The following GALNTL6 variants were observed in gnomAD, a reference collection of about 807,000 sequenced individuals.
The protein encoded by GALNTL6 is polypeptide N-acetylgalactosaminyltransferase-like 6.
A neutral mutation model predicts 73.7 loss-of-function variants in GALNTL6; 46 were observed. The ratio of observed to expected loss-of-function variants is 0.62; its 90% CI spans 0.49 to 0.80. The LOEUF (loss-of-function observed/expected upper bound fraction) is 0.80, where lower values mean the gene tolerates loss of function less well. GALNTL6 is among the 30% of genes least tolerant of loss of function. GALNTL6 has a pLI of 0.00. For synonymous variants in GALNTL6, 259 were observed against 263.7 expected (o/e 0.98, Z 0.17); for missense variants, 604 against 755.0 (o/e 0.80, Z 2.34).
At chr4:172,480,038 G>A in intron 5 of GALNTL6, among the ~76,000 whole-genome samples, 1 of 152,078 alleles carries the variant, frequency 6.6e-6, no homozygotes, top group Non-Finnish European at 1.5e-5. Context: ...CATCACTCGT[G>A]GCCAGGCTGG....
chr4:172,569,902 C>T (rs982062944), intron 5 of GALNTL6, among the ~76,000 whole-genome samples: 7 of 152,088 alleles, frequency 4.6e-5, no homozygotes, highest in Non-Finnish European at 8.8e-5. Flanking sequence ...CAGATTTAAA[C>T]AGAAAGGGGC....
chr4:172,141,431 G>T (rs779703479), intron 2 of GALNTL6, among the ~76,000 whole-genome samples: 8 of 151,988 alleles, frequency 5.3e-5, no homozygotes, highest in Non-Finnish European at 7.4e-5. Context: ...CAGATGGTAC[G>T]AGTACAAATT....
chr4:172,175,265 C>T (rs1312116911), intron 2 of GALNTL6, among the ~76,000 whole-genome samples: 5 of 152,076 alleles, frequency 3.3e-5, no homozygotes, highest in South Asian at 4.2e-4. Context: ...GGGGTTTCAC[C>T]ATGTTGACCA....
At chr4:172,641,882 A>G (rs1739998515) in intron 5 of GALNTL6, among the ~76,000 whole-genome samples, 2 of 152,070 alleles carry the variant, frequency 1.3e-5, no homozygotes, top group Non-Finnish European at 2.9e-5. Flanking sequence ...TTTAAATAGC[A>G]AGAAAACAAA....
chr4:172,998,444 C>T (rs1751893143), intron 10 of GALNTL6, among the ~76,000 whole-genome samples: 1 of 152,104 alleles, frequency 6.6e-6, no homozygotes, highest in Non-Finnish European at 1.5e-5. Flanking sequence ...TATCCCTATC[C>T]CCAAAATGTT....
chr4:172,220,882 T>C (rs1349274149), intron 2 of GALNTL6, among the ~76,000 whole-genome samples: 6 of 151,986 alleles, frequency 3.9e-5, no homozygotes, highest in East Asian at 1.9e-4. Context: ...ATGCGGCTGA[T>C]GCAATAATGA....
At chr4:172,683,626 G>A (rs1231721386) in intron 5 of GALNTL6, among the ~76,000 whole-genome samples, 5 of 152,104 alleles carry the variant, frequency 3.3e-5, no homozygotes, top group Non-Finnish European at 5.9e-5. Context: ...TAACTACACC[G>A]TACATAACAA....
At chr4:172,442,502 T>C (rs1001400646) in intron 5 of GALNTL6, among the ~76,000 whole-genome samples, 13 of 152,170 alleles carry the variant, frequency 8.5e-5, no homozygotes, top group African/African-American at 2.9e-4. Flanking sequence ...ATAATCTGTA[T>C]GTTAGATAAA....
chr4:172,652,990 TATC>T (rs1740546903), intron 5 of GALNTL6, among the ~76,000 whole-genome samples: 1 of 152,120 alleles, frequency 6.6e-6, no homozygotes, highest in African/African-American at 2.4e-5. Flanking sequence ...CCTGATTCAG[TATC>T]ATCTCAGTTT....
chr4:172,463,141 A>C (rs1457300913), intron 5 of GALNTL6, among the ~76,000 whole-genome samples: 1 of 152,248 alleles, frequency 6.6e-6, no homozygotes. Flanking sequence ...TTCAAAAAAC[A>C]CAAGAGCTTA....
At chr4:172,006,177 G>C (rs750478577) in intron 2 of GALNTL6, among the ~76,000 whole-genome samples, 1 of 152,158 alleles carries the variant, frequency 6.6e-6, no homozygotes, top group Non-Finnish European at 1.5e-5. Context: ...CAGAGGACAC[G>C]ATTGAAATGC....
chr4:172,030,349 A>G (rs1741729604), intron 2 of GALNTL6, among the ~76,000 whole-genome samples: 2 of 152,052 alleles, frequency 1.3e-5, no homozygotes, highest in South Asian at 4.1e-4. Flanking sequence ...ATGTCAAGCA[A>G]CCGGGGTAGC....
chr4:173,009,604 A>G (rs1752455660), intron 11 of GALNTL6, among the ~76,000 whole-genome samples: 1 of 152,230 alleles, frequency 6.6e-6, no homozygotes, highest in Non-Finnish European at 1.5e-5. Flanking sequence ...TGGTAGTTTA[A>G]CAGAGGAAGC....
intron 2 of GALNTL6, among the ~76,000 whole-genome samples, chr4:172,119,395 T>C (rs372303163): frequency 6.6e-6 from 1 of 152,200 alleles, no homozygotes; most frequent in South Asian, 2.1e-4. Context: ...CAACTTTTAG[T>C]TCTGAATTCC....
intron 5 of GALNTL6, among the ~76,000 whole-genome samples, chr4:172,467,491 G>A (rs1243955753): frequency 4.6e-5 from 7 of 152,218 alleles, no homozygotes; most frequent in Middle Eastern, 3.4e-3. Flanking sequence ...TCATGGAGTC[G>A]CTCATCCTCC....
At chr4:172,693,575 T>C (rs556619822) in intron 5 of GALNTL6, among the ~76,000 whole-genome samples, 1 of 152,320 alleles carries the variant, frequency 6.6e-6, no homozygotes, top group Admixed American at 6.5e-5. Context: ...ATAGACACCT[T>C]AACTCACCCC....
chr4:172,783,118 CGGCA>C (rs1193161245), intron 5 of GALNTL6, among the ~76,000 whole-genome samples: 4 of 151,002 alleles, frequency 2.6e-5, no homozygotes, highest in Non-Finnish European at 5.9e-5. Context: ...GGACCTGCCA[CGGCA>C]GGTCCAATTC....
chr4:172,910,950 C>G (rs111916463), intron 8 of GALNTL6, among the ~76,000 whole-genome samples: 5 of 152,178 alleles, frequency 3.3e-5, no homozygotes, highest in African/African-American at 7.2e-5. Context: ...CATGACACAC[C>G]GGCATCCTAA....
At chr4:173,011,614 C>A (rs573948532) in intron 11 of GALNTL6, among the ~76,000 whole-genome samples, 38 of 152,232 alleles carry the variant, frequency 2.5e-4, no homozygotes, top group African/African-American at 8.9e-4. Context: ...GTTTTCCCAG[C>A]ACCATTTATT....
Sources: allele counts gnomAD v4.1 joint callset (sites outside exome capture counted in the v4.1 genomes callset), GRCh38; gene constraint gnomAD v4.1.1; transcripts MANE v1.5; gene names NCBI Gene and HGNC (gene_info 2026-07-23, HGNC 2026-07-21).